PML: variants seen among roughly 807,000 people sequenced by gnomAD.
PML encodes the protein protein PML.
In PML, 28 loss-of-function variants were observed where a neutral mutation model predicts 65.2. That is an observed-to-expected ratio of 0.43 (90% CI 0.32 to 0.59). PML has a LOEUF of 0.59. Among genes scored for constraint, PML ranks in the 20% least tolerant of loss-of-function variants. PML has a pLI of 0.08. For synonymous variants in PML, 500 were observed against 508.8 expected (o/e 0.98, Z 0.23); for missense variants, 1,021 against 1,203.4 (o/e 0.85, Z 2.24).
At chr15:74,029,601 G>A (rs993964729) in intron 4 of PML, among the ~76,000 whole-genome samples, 9 of 152,014 alleles carry the variant, frequency 5.9e-5, no homozygotes, top group Admixed American at 5.9e-4. Context: ...TCCAGCCGGA[G>A]CAACAAGAGC....
intron 7 of PML, chr15:74,034,990 T>G: frequency 6.6e-7 from 1 of 1,508,860 alleles, no homozygotes; most frequent in Non-Finnish European, 8.8e-7. Context: ...GATATATAAA[T>G]CCATTCCACA....
In PML at chr15:74,032,790, T is replaced by A. The variant is rs1445956459; in HGVS notation, c.1398+75T>A. The A allele has an allele frequency of 2.7e-6, 4 of 1,493,332 alleles. No individual in the cohort carries two copies. The Admixed American group carries it at 6.7e-5, about 25-fold the overall frequency. 92.5% of individuals were successfully genotyped at this position (1,493,332 alleles called of 1,614,324 possible). On this transcript the variant is annotated intron_variant, in intron 5 of 8. Transcript: ENST00000268058. Reference sequence around the variant, plus strand: ...CCAGGAAAGTGAGCTGGCACTGGGGTGGGAATCCAGGCCTTCATCAGATCA... The same window carrying A: ...CCAGGAAAGTGAGCTGGCACTGGGGAGGGAATCCAGGCCTTCATCAGATCA...
chr15:74,006,696 A>C (rs1471216855), intron 2 of PML, among the ~76,000 whole-genome samples: 1 of 152,184 alleles, frequency 6.6e-6, no homozygotes, highest in African/African-American at 2.4e-5. Flanking sequence ...TAAAGAAAAG[A>C]GGTTTATTTG....
Position 74,045,781 on chromosome 15 carries a change from C to T in PML, c.*773C>T. 1 of 232,974 alleles carries T rather than the reference C, an allele frequency of 4.3e-6. No homozygotes were observed. The highest frequency in any genetic ancestry group is 8.5e-6 in the Non-Finnish European group (1 of 117,994). The allele number at this position is 232,974 out of a possible 1,614,324, so 14.4% of individuals were successfully genotyped here. ...TCACCCTCAGCCGTCCCAAGGAGTG[C>T]CCAGCACTACTCAGCATGTAGTCCA... On this transcript the variant is annotated 3_prime_UTR_variant, in exon 9 of 9. Coordinates refer to ENST00000268058, the MANE Select transcript of PML (RefSeq NM_033238.3).
In PML at chr15:74,045,235, T is replaced by G. The variant is rs1328574179; in HGVS notation, c.*227T>G. 1 of 546,098 alleles carries G rather than the reference T, an allele frequency of 1.8e-6. No homozygotes were observed. Among genetic ancestry groups the G allele is most frequent in the Non-Finnish European group, 3.2e-6 (1 of 309,104 alleles). 33.8% of individuals were successfully genotyped at this position (546,098 alleles called of 1,614,324 possible). A position where few individuals can be genotyped will look rare whatever the true frequency, so the allele number is the denominator to read the frequency against. On this transcript the variant is annotated 3_prime_UTR_variant, in exon 9 of 9. Transcript: ENST00000268058. ...TCACCCTAGGTGTGCACCAGACTCC[T>G]ATTAGCCCCTCCTTCCAGGAGCTAG...
chr15:74,033,305 A>G lies in PML; in HGVS notation c.1548A>G (p.Ala516=). The G allele has an allele frequency of 3.7e-6, 6 of 1,614,224 alleles. No individual in the cohort carries two copies. Among genetic ancestry groups the G allele is most frequent in the Non-Finnish European group, 5.1e-6 (6 of 1,180,036 alleles). The change falls in exon 6 of 9, where the codon GCA becomes GCG. Residue 516 remains alanine, a synonymous_variant. Transcript: ENST00000268058. ...AGCCCAGGCCCAGCACCTCCAAGGC[A>G]GTCTCACCACCCCACCTGGATGGAC... ...PEQPRPSTSK[A]VSPPHLDGPP...
chr15:74,003,049 A>G (rs1595880738), intron 2 of PML, among the ~76,000 whole-genome samples: 1 of 152,018 alleles, frequency 6.6e-6, no homozygotes, highest in Admixed American at 6.6e-5. Flanking sequence ...AGAGAGGATC[A>G]CCTGAGCCTG....
rs2070051260 is a variant in PML, at chr15:74,006,383, T to G, written c.602+7907T>G. Reference sequence around the variant, plus strand: ...TCCAGCCTGGGCGACAGAGCGAGACTCCGTCTCAAAAAAAAAAAAAAAAAA... The same window carrying G: ...TCCAGCCTGGGCGACAGAGCGAGACGCCGTCTCAAAAAAAAAAAAAAAAAA... On this transcript the variant is annotated intron_variant, in intron 2 of 8. Transcript: ENST00000268058. Among the ~76,000 whole-genome samples the G allele has an allele frequency of 4.6e-5, 5 of 108,454 alleles. No individual in the cohort carries two copies. In the South Asian group the frequency reaches 1.2e-3, roughly 25 times the overall value. 71.2% of individuals were successfully genotyped at this position (108,454 alleles called of 152,430 possible).
At chr15:74,017,003 T>C (rs1158372207) in intron 2 of PML, among the ~76,000 whole-genome samples, 1 of 151,766 alleles carries the variant, frequency 6.6e-6, no homozygotes, top group Non-Finnish European at 1.5e-5. Flanking sequence ...TTCACCATGT[T>C]AGCCAGGATG....
At chr15:74,016,790 A>ATTTTTTTTT (rs1419052993) in intron 2 of PML, among the ~76,000 whole-genome samples, 202 of 64,292 alleles carry the variant, frequency 3.1e-3, no homozygotes, top group East Asian at 4.9e-3. Context: ...AGGCAGTGGC[A>ATTTTTTTTT]TCTTTTTTTT....
rs1567130072 is a variant in PML, at chr15:74,023,116, GC to G, written c.892del (p.Leu298TrpfsTer39). On this transcript the variant is annotated frameshift_variant, in exon 3 of 9. Coordinates refer to ENST00000268058, the MANE Select transcript of PML (RefSeq NM_033238.3). LOFTEE classifies it high-confidence loss of function. ...ACGTGCGGGCTCAGGAGCGCGAGCTGCTGGAGGCTGTGGACGCGCGGTACCA... is the reference window on the plus strand; with the variant it reads ...ACGTGCGGGCTCAGGAGCGCGAGCTGTGGAGGCTGTGGACGCGCGGTACCA... ...AHVRAQEREL[L>X]EAVDARYQRD... 2 of 1,604,134 alleles carry G rather than the reference GC, an allele frequency of 1.2e-6. No homozygotes were observed. The highest frequency in any genetic ancestry group is 1.7e-5 in the Admixed American group (1 of 59,936).
intron 2 of PML, among the ~76,000 whole-genome samples, chr15:74,018,419 TAACTC>T (rs1416590905): frequency 6.6e-6 from 1 of 152,192 alleles, no homozygotes; most frequent in Non-Finnish European, 1.5e-5. Flanking sequence ...ACCTGTTTAT[TAACTC>T]AAGGAGAATT....
At position 74,042,817 on chromosome 15, in the gene PML, C is replaced by T. The variant is rs927371819; in HGVS notation, c.1711-172C>T. 1.0e-6 allele frequency: 1 copy of T among 985,212 alleles called. No homozygotes were observed. Among genetic ancestry groups the T allele is most frequent in the African/African-American group, 1.7e-5 (1 of 57,202 alleles). 61.0% of individuals were successfully genotyped at this position (985,212 alleles called of 1,614,324 possible). On this transcript the variant is annotated intron_variant, in intron 7 of 8. Coordinates refer to ENST00000268058, the MANE Select transcript of PML (RefSeq NM_033238.3). This position sits in a 1 kb window ranked among gnomAD's most constrained non-coding sequence, Gnocchi z 5.3. The stretch of plus-strand genomic sequence containing the variant: ...ACCCTCACATGTGACACACCCAGTT[C>T]ACACCCATTCATGCACACATACCTT...
chr15:74,022,606 C>G (rs1016785612), intron 2 of PML, among the ~76,000 whole-genome samples: 4 of 152,070 alleles, frequency 2.6e-5, no homozygotes, highest in Admixed American at 6.5e-5. Context: ...TATTGTTTCC[C>G]GGATGTTGAA....
chr15:74,044,682 C>G lies in PML; in HGVS notation c.2323C>G (p.Leu775Val). 6.2e-7 allele frequency: 1 copy of G among 1,606,868 alleles called. No homozygotes were observed. The highest frequency in any genetic ancestry group is 8.5e-7 in the Non-Finnish European group (1 of 1,179,948). Residue 775 changes from leucine to valine, a missense_variant, in exon 9 of 9, where the codon CTG (leucine) becomes GTG (valine). By Grantham distance (32) the Leu-to-Val change is conservative (BLOSUM62 1). Transcript: ENST00000268058. ...LAQHVYPFSS[L>V]QCFASLQPLV... is the part of the protein sequence containing the mutation. ...CCAGCATGTCTACCCCTTCAGTAGC[C>G]TGCAGTGCTTTGCCTCCCTGCAGCC... is the stretch of plus-strand genomic sequence containing the variant.
chr15:74,034,693 G>A (rs2071466709), intron 7 of PML, 163 bp downstream of exon 7: 8 of 1,547,046 alleles, frequency 5.2e-6, no homozygotes, highest in Non-Finnish European at 7.0e-6. Flanking sequence ...CCAAATGACA[G>A]CTGCATGCCT....
intron 1 of PML, 34 bp downstream of exon 1, chr15:73,994,975 T>C (rs1342327598): frequency 6.7e-7 from 1 of 1,498,484 alleles, no homozygotes; most frequent in African/African-American, 1.4e-5. Flanking sequence ...GGGGTTAAGC[T>C]TTGTTGGTTT....
chr15:74,030,185 C>T (rs1306281017), intron 4 of PML, among the ~76,000 whole-genome samples: 3 of 152,192 alleles, frequency 2.0e-5, no homozygotes, highest in Admixed American at 2.0e-4. Flanking sequence ...AGGGACAGAG[C>T]TTGTCCCTGT....
chr15:73,994,795 G>T lies in PML; in HGVS notation c.-18G>T. 1.3e-6 allele frequency: 2 copies of T among 1,551,552 alleles called. No individual in the cohort carries two copies. Among genetic ancestry groups the T allele is most frequent in the Non-Finnish European group, 1.7e-6 (2 of 1,147,372 alleles). ...CACTCCAAGATCTAAACCGAGAATC[G>T]AAACTAAGCTGGGGTCCATGGAGCC... is the stretch of plus-strand genomic sequence containing the variant. On this transcript the variant is annotated 5_prime_UTR_variant, in exon 1 of 9. Transcript: ENST00000268058.
Sources: allele counts gnomAD v4.1 joint callset (sites outside exome capture counted in the v4.1 genomes callset), GRCh38; gene constraint gnomAD v4.1.1; non-coding constraint Gnocchi (gnomAD v3.1); transcripts MANE v1.5; gene names NCBI Gene and HGNC (gene_info 2026-07-23, HGNC 2026-07-21).